The following TAFA1 variants were observed in gnomAD, a reference collection of about 807,000 sequenced individuals.
The protein encoded by TAFA1 is TAFA chemokine like family member 1, also known as chemokine-like protein TAFA-1.
TAFA1 carries 4 observed loss-of-function variants against 18.5 expected under a neutral mutation model. That is an observed-to-expected ratio of 0.22 (90% CI 0.11 to 0.49). TAFA1 has a LOEUF of 0.49. Among genes scored for constraint, TAFA1 ranks in the 20% least tolerant of loss-of-function variants. The probability of loss-of-function intolerance (pLI) is 0.98; values close to 1 mark genes in which losing one functional copy is unlikely to be tolerated. For missense variants in TAFA1, 147 were observed against 169.0 expected, an observed-to-expected ratio of 0.87 and a Z score of 0.72; for synonymous variants, 56 against 55.2, an observed-to-expected ratio of 1.01 and a Z score of -0.06.
At chr3:68,141,678 C>T (rs567695947) in intron 2 of TAFA1, among the ~76,000 whole-genome samples, 1 of 152,248 alleles carries the variant, frequency 6.6e-6, no homozygotes, top group African/African-American at 2.4e-5. Flanking sequence ...GCTTGGAGCT[C>T]CTCAGGGCCA....
intron 3 of TAFA1, among the ~76,000 whole-genome samples, chr3:68,422,852 A>G (rs1033122747): frequency 2.0e-5 from 3 of 152,080 alleles, no homozygotes; most frequent in East Asian, 1.9e-4. Context: ...TAATTAATCT[A>G]TAACCCAAAA....
At chr3:68,291,162 T>C (rs553003561) in intron 2 of TAFA1, among the ~76,000 whole-genome samples, 4 of 152,264 alleles carry the variant, frequency 2.6e-5, no homozygotes, top group Admixed American at 6.5e-5. Context: ...CAACATGGAC[T>C]CAATATATAG....
intron 2 of TAFA1, among the ~76,000 whole-genome samples, chr3:68,170,100 G>GCTTTCT (rs1279512189): frequency 6.6e-6 from 1 of 152,128 alleles, no homozygotes; most frequent in Admixed American, 6.6e-5. Flanking sequence ...AAAAACATAA[G>GCTTTCT]TATCAGTAAG....
intron 2 of TAFA1, among the ~76,000 whole-genome samples, chr3:68,206,900 C>A (rs562008262): frequency 7.2e-5 from 11 of 151,978 alleles, no homozygotes; most frequent in African/African-American, 2.2e-4. Context: ...TCCACAGATG[C>A]TAGGAGCTGA....
At chr3:68,353,365 C>A (rs759739016) in intron 2 of TAFA1, among the ~76,000 whole-genome samples, 3 of 152,048 alleles carry the variant, frequency 2.0e-5, no homozygotes, top group Non-Finnish European at 4.4e-5. Context: ...CCTGATATAG[C>A]GTGTAAGCCA....
intron 1 of TAFA1, chr3:68,006,121 C>G (rs1704352123): frequency 6.4e-6 from 1 of 155,230 alleles, no homozygotes; most frequent in Non-Finnish European, 1.4e-5. Flanking sequence ...TTACAACATG[C>G]CTCTGAGAAA....
intron 2 of TAFA1, among the ~76,000 whole-genome samples, chr3:68,269,267 G>A (rs141496551): frequency 4.0e-5 from 6 of 150,252 alleles, no homozygotes; most frequent in East Asian, 4.1e-4. Context: ...CAGCCTGAGC[G>A]ACAGAGTGAG....
intron 2 of TAFA1, among the ~76,000 whole-genome samples, chr3:68,234,272 G>T (rs2066903141): frequency 6.6e-6 from 1 of 152,160 alleles, no homozygotes; most frequent in Admixed American, 6.6e-5. Context: ...TACTGACTTC[G>T]TGGGTGATGA....
chr3:68,484,006 C>T (rs544934755), intron 3 of TAFA1, among the ~76,000 whole-genome samples: 1 of 152,226 alleles, frequency 6.6e-6, no homozygotes, highest in Admixed American at 6.5e-5. Flanking sequence ...AATGACAATA[C>T]AATGTGAATC....
chr3:68,417,890 G>A (rs748118874), intron 3 of TAFA1, among the ~76,000 whole-genome samples: 10 of 152,112 alleles, frequency 6.6e-5, no homozygotes, highest in Non-Finnish European at 1.0e-4. Context: ...AGGAGGAAGA[G>A]AGCCAAGGGG....
At chr3:68,476,071 G>C (rs1422499671) in intron 3 of TAFA1, among the ~76,000 whole-genome samples, 7 of 152,118 alleles carry the variant, frequency 4.6e-5, no homozygotes, top group Non-Finnish European at 7.4e-5. Context: ...CCCTTTGTCA[G>C]TTGAGTAGAT....
chr3:68,400,167 A>C (rs1290867113), intron 2 of TAFA1, among the ~76,000 whole-genome samples: 1 of 152,154 alleles, frequency 6.6e-6, no homozygotes, highest in Non-Finnish European at 1.5e-5. Flanking sequence ...TTTGCACTGC[A>C]TCGACTGAAA....
At chr3:68,148,445 A>G (rs984621544) in intron 2 of TAFA1, among the ~76,000 whole-genome samples, 5 of 152,214 alleles carry the variant, frequency 3.3e-5, no homozygotes, top group Admixed American at 2.6e-4. Context: ...TAAATTTACT[A>G]TACATTTTCA....
chr3:68,028,215 G>T (rs920788742), intron 2 of TAFA1, among the ~76,000 whole-genome samples: 5 of 152,046 alleles, frequency 3.3e-5, no homozygotes, highest in African/African-American at 1.2e-4. Context: ...CAGGAGAATC[G>T]CTTGAGCCTG....
chr3:68,206,323 A>G (rs2066525891), intron 2 of TAFA1, among the ~76,000 whole-genome samples: 1 of 151,922 alleles, frequency 6.6e-6, no homozygotes, highest in Non-Finnish European at 1.5e-5. Context: ...CAAACAGATA[A>G]TAGCATGTTG....
chr3:68,011,607 A>G (rs1704472875), intron 2 of TAFA1, among the ~76,000 whole-genome samples: 1 of 152,220 alleles, frequency 6.6e-6, no homozygotes, highest in Non-Finnish European at 1.5e-5. Context: ...GTACATTACA[A>G]TAAAGGGTTG....
intron 3 of TAFA1, among the ~76,000 whole-genome samples, chr3:68,458,130 G>A (rs995806439): frequency 2.0e-5 from 3 of 152,066 alleles, no homozygotes; most frequent in Non-Finnish European, 2.9e-5. Context: ...TCCCTTTGCT[G>A]TTCTCACGAT....
chr3:68,410,257 G>T (rs1038461417), intron 2 of TAFA1, among the ~76,000 whole-genome samples: 1 of 151,382 alleles, frequency 6.6e-6, no homozygotes, highest in African/African-American at 2.4e-5. Context: ...GCCCCATGGA[G>T]TTTTTTTTTG....
At position 68,296,627 on chromosome 3, in the gene TAFA1, A is replaced by G. The variant is rs558382985; in HGVS notation, c.119-120653A>G. Among the ~76,000 whole-genome samples, 59 of 152,212 alleles carry G rather than the reference A, an allele frequency of 3.9e-4. No individual in the cohort carries two copies. In the South Asian group the frequency reaches 0.012, roughly 30 times the overall value. Reference sequence around the variant, plus strand: ...ATAGGCCCTTAACAAACTGGCTTTTAGGTCTCTCTTGAAGTGACTAGTCTC... The same window carrying G: ...ATAGGCCCTTAACAAACTGGCTTTTGGGTCTCTCTTGAAGTGACTAGTCTC... On this transcript the variant is annotated intron_variant, in intron 2 of 4. Transcript: ENST00000478136.
Sources: gnomAD v4.1 joint callset for allele counts (sites outside exome capture counted in the v4.1 genomes callset) on GRCh38, gnomAD v4.1.1 for gene constraint, MANE v1.5 for transcripts, NCBI Gene and HGNC (gene_info 2026-07-23, HGNC 2026-07-21) for gene names.